The following PAXIP1 variants were observed in gnomAD, a reference collection of about 807,000 sequenced individuals.
PAXIP1 encodes PAX-interacting protein 1.
PAXIP1 carries 19 observed loss-of-function variants against 140.6 expected under a neutral mutation model. The observed-to-expected ratio is 0.14, with a 90% CI of 0.09 to 0.20. The LOEUF (loss-of-function observed/expected upper bound fraction) is 0.20. Among genes scored for constraint, PAXIP1 ranks in the 10% least tolerant of loss-of-function variants. The pLI is 1.00. For synonymous variants in PAXIP1, 442 were observed against 444.6 expected (o/e 0.99, Z 0.07); for missense variants, 920 against 1,208.6 (o/e 0.76, Z 3.54).
At position 154,945,933 on chromosome 7, in the gene PAXIP1, C is replaced by T. The variant is rs571203569; in HGVS notation, c.3194+432G>A. ...CATGTTGATGAAGTATTCATTCTGCCGCTTCCATTTAGTAGTAATTTATCT... is the reference window on the plus strand; with the variant it reads ...CATGTTGATGAAGTATTCATTCTGCTGCTTCCATTTAGTAGTAATTTATCT... On this transcript the variant is annotated intron_variant, in intron 20 of 20. Coordinates refer to ENST00000404141, the MANE Select transcript of PAXIP1 (RefSeq NM_007349.4). 3.6e-4 allele frequency: 350 copies of T among 985,302 alleles called. 1 individual carries two copies. The highest frequency in any genetic ancestry group is 2.6e-3 in the Middle Eastern group (5 of 1,914). 61.0% of individuals were successfully genotyped at this position (985,302 alleles called of 1,614,324 possible). A position where few individuals can be genotyped will look rare whatever the true frequency, so the allele number is the denominator to read the frequency against.
At position 154,956,182 on chromosome 7, in the gene PAXIP1, C is replaced by A. The variant is rs1013183534; in HGVS notation, c.2550-551G>T. ...GCTCAAGCACACGTTTTAAATTAAA[C>A]CTTTTTGTTTTTTACATGAATTTTT... is the stretch of plus-strand genomic sequence containing the variant. On this transcript the variant is annotated intron_variant, in intron 14 of 20. Transcript: ENST00000404141. The surrounding 1 kb of genome is among the most constrained non-coding windows in gnomAD (Gnocchi z 4.2). 1.3e-5 allele frequency among the ~76,000 whole-genome samples: 2 copies of A among 152,128 alleles called. No individual in the cohort carries two copies. Among genetic ancestry groups the A allele is most frequent in the African/African-American group, 4.8e-5 (2 of 41,418 alleles).
intron 1 of PAXIP1, 40 bp downstream of exon 1, chr7:155,002,809 C>T: frequency 1.7e-6 from 2 of 1,199,240 alleles, no homozygotes; most frequent in South Asian, 1.7e-5. Context: ...GACGGGGACG[C>T]GGACGGGGGA....
At chr7:154,948,062 T>C in intron 16 of PAXIP1, 59 bp from the exon 17 acceptor site, 1 of 1,163,906 alleles carries the variant, frequency 8.6e-7, no homozygotes, top group African/African-American at 1.5e-5. Flanking sequence ...GTGGCAAGTG[T>C]GACCCACAAA....
intron 16 of PAXIP1, chr7:154,950,156 C>T (rs1023770487): frequency 6.6e-6 from 1 of 152,088 alleles, no homozygotes; most frequent in African/African-American, 2.4e-5. Context: ...ATCCCAAAAA[C>T]ATGCACCTAC....
rs1563385451 is a variant in PAXIP1, at chr7:154,986,625, AT to A, written c.325-3294del. ...TAACATTTTTTAGCAACCACAAAAT[AT>A]TAGTGCTCCCAATGCACTTTTCTTA... On this transcript the variant is annotated intron_variant, in intron 4 of 20. Transcript: ENST00000404141. The surrounding 1 kb of genome is among the most constrained non-coding windows in gnomAD (Gnocchi z 4.8). 6.6e-6 allele frequency among the ~76,000 whole-genome samples: 1 copy of A among 152,216 alleles called. No homozygotes were observed. The highest frequency in any genetic ancestry group is 1.5e-5 in the Non-Finnish European group (1 of 68,038).
intron 3 of PAXIP1, among the ~76,000 whole-genome samples, chr7:154,992,499 G>A (rs1317507981): frequency 6.6e-6 from 1 of 151,956 alleles, no homozygotes; most frequent in Admixed American, 6.6e-5. Context: ...GGAGGCTGAG[G>A]CAGGAGAATC....
chr7:154,995,263 C>G (rs1477125115), intron 2 of PAXIP1, among the ~76,000 whole-genome samples: 1 of 152,204 alleles, frequency 6.6e-6, no homozygotes, highest in African/African-American at 2.4e-5. Context: ...TGTTCTCAGG[C>G]AGCTTTAGGA....
chr7:154,991,710 G>A (rs1441475160), intron 3 of PAXIP1, among the ~76,000 whole-genome samples: 1 of 152,186 alleles, frequency 6.6e-6, no homozygotes, highest in Non-Finnish European at 1.5e-5. Flanking sequence ...ATCACACACT[G>A]TGAATTTAAC....
chr7:154,962,554 T>C, intron 9 of PAXIP1, 96 bp from the exon 10 acceptor site: 1 of 1,056,742 alleles, frequency 9.5e-7, no homozygotes, highest in East Asian at 2.6e-5. Flanking sequence ...CCCTTTTCAT[T>C]GGAAGCCCCA....
At chr7:154,972,971 T>C (rs1216012205) in intron 6 of PAXIP1, among the ~76,000 whole-genome samples, 2 of 152,250 alleles carry the variant, frequency 1.3e-5, no homozygotes, top group Admixed American at 6.5e-5. Flanking sequence ...TGCTGCTCTG[T>C]GGCTGAGGCT....
intron 4 of PAXIP1, chr7:154,983,584 A>G (rs1375874842): frequency 3.4e-6 from 1 of 295,868 alleles, no homozygotes; most frequent in African/African-American, 2.2e-5. Flanking sequence ...AAAAATATTT[A>G]TATCCACATT....
At position 154,943,829 on chromosome 7, in the gene PAXIP1, T is replaced by C; in HGVS notation, c.*320A>G. 3.2e-6 allele frequency: 1 copy of C among 308,648 alleles called. No individual in the cohort carries two copies. The highest frequency in any genetic ancestry group is 4.4e-5 in the South Asian group (1 of 22,926). 19.1% of individuals were successfully genotyped at this position (308,648 alleles called of 1,614,324 possible). On this transcript the variant is annotated 3_prime_UTR_variant, in exon 21 of 21. Transcript: ENST00000404141. ...TAATTTAGAGATAGCAAGGTCTTTA[T>C]TTACACCATTTTATTTCTAGTTGAA...
chr7:154,971,814 T>TC lies in PAXIP1; in HGVS notation c.1075-2689dup, dbSNP rs1809345474. ...ACAGGATTTTGATGGTAAGTTACACTCCCCCCAACAATCTAATGTTCAACT... is the reference window on the plus strand; with the variant it reads ...ACAGGATTTTGATGGTAAGTTACACTCCCCCCCAACAATCTAATGTTCAACT... On this transcript the variant is annotated intron_variant, in intron 6 of 20. Coordinates refer to ENST00000404141, the MANE Select transcript of PAXIP1 (RefSeq NM_007349.4). Among the ~76,000 whole-genome samples, 4 of 152,256 alleles carry TC rather than the reference T, an allele frequency of 2.6e-5. No homozygotes were observed. The South Asian group carries it at 8.3e-4, about 32-fold the overall frequency.
At chr7:154,984,800 A>G (rs1809994773) in intron 4 of PAXIP1, among the ~76,000 whole-genome samples, 1 of 152,242 alleles carries the variant, frequency 6.6e-6, no homozygotes, top group African/African-American at 2.4e-5. Context: ...AAATTAAAAA[A>G]CAATCTAGAT....
intron 10 of PAXIP1, among the ~76,000 whole-genome samples, 198 bp downstream of exon 10, chr7:154,962,123 A>G (rs1808780035): frequency 6.6e-6 from 1 of 152,256 alleles, no homozygotes; most frequent in Non-Finnish European, 1.5e-5. Context: ...TACTATGTGC[A>G]GAAAATTGTG....
At chr7:154,993,595 G>A (rs1263659529) in intron 3 of PAXIP1, 131 bp downstream of exon 3, 2 of 707,912 alleles carry the variant, frequency 2.8e-6, no homozygotes, top group Non-Finnish European at 4.8e-6. Flanking sequence ...AAAATAGTAG[G>A]AATATAAGAT....
intron 5 of PAXIP1, 34 bp from the exon 6 acceptor site, chr7:154,976,365 G>A: frequency 6.6e-7 from 1 of 1,521,414 alleles, no homozygotes; most frequent in Non-Finnish European, 8.8e-7. Flanking sequence ...ACAAAACAAA[G>A]CTGTAAATTT....
At position 154,973,266 on chromosome 7, in the gene PAXIP1, AC is replaced by A. The variant is rs1376606608; in HGVS notation, c.1074+2429del. On this transcript the variant is annotated intron_variant, in intron 6 of 20. Transcript: ENST00000404141. This position sits in a 1 kb window ranked among gnomAD's most constrained non-coding sequence, Gnocchi z 4.0. Reference sequence around the variant, plus strand: ...AGTGGCAGGCCTGTTTTCCTCCGGGACCCAACAAGGTGACATGGAGCGGTGG... The same window carrying A: ...AGTGGCAGGCCTGTTTTCCTCCGGGACCAACAAGGTGACATGGAGCGGTGG... 6.6e-6 allele frequency among the ~76,000 whole-genome samples: 1 copy of A among 151,766 alleles called. No individual in the cohort carries two copies.
In PAXIP1 at chr7:154,970,807, G is replaced by A. The variant is rs188481753; in HGVS notation, c.1075-1681C>T. On this transcript the variant is annotated intron_variant, in intron 6 of 20. Transcript: ENST00000404141. ...TAAACAGCAGCGAGGGGTGGGAGGG[G>A]GGCTGAGAGTTTAACTGTTCACTCT... is the stretch of plus-strand genomic sequence containing the variant. Among the ~76,000 whole-genome samples the A allele has an allele frequency of 8.4e-4, 128 of 152,296 alleles. No individual in the cohort carries two copies. In the East Asian group the frequency reaches 0.013, roughly 15 times the overall value.
Sources: gnomAD v4.1 joint callset for allele counts (sites outside exome capture counted in the v4.1 genomes callset) on GRCh38, gnomAD v4.1.1 for gene constraint, Gnocchi (gnomAD v3.1) non-coding constraint, MANE v1.5 for transcripts, NCBI Gene and HGNC (gene_info 2026-07-23, HGNC 2026-07-21) for gene names.